GRID2: variants seen among roughly 807,000 people sequenced by gnomAD.
The protein encoded by GRID2 is glutamate ionotropic receptor delta type subunit 2, also known as glutamate receptor ionotropic, delta-2.
GRID2 carries 33 observed loss-of-function variants against 114.8 expected under a neutral mutation model. The ratio of observed to expected loss-of-function variants is 0.29; its 90% confidence interval spans 0.22 to 0.38. GRID2 has a LOEUF of 0.38. Among genes scored for constraint, GRID2 ranks in the 10% least tolerant of loss-of-function variants. The pLI is 1.00. For synonymous variants in GRID2, 505 were observed against 449.9 expected (o/e 1.12, Z -1.55); for missense variants, 1,184 against 1,257.7 (o/e 0.94, Z 0.89).
intron 2 of GRID2, among the ~76,000 whole-genome samples, chr4:92,706,129 G>A (rs1390715395): frequency 1.3e-5 from 2 of 152,082 alleles, no homozygotes; most frequent in Non-Finnish European, 2.9e-5. Context: ...GAAAAACGGG[G>A]GAGCATCATA....
At chr4:92,944,894 T>C (rs1751503296) in intron 2 of GRID2, among the ~76,000 whole-genome samples, 1 of 152,202 alleles carries the variant, frequency 6.6e-6, no homozygotes, top group Non-Finnish European at 1.5e-5. Flanking sequence ...TAGCTTCTAA[T>C]GTTCTGATTA....
chr4:93,266,835 T>A (rs2149560322), intron 8 of GRID2, among the ~76,000 whole-genome samples: 1 of 152,250 alleles, frequency 6.6e-6, no homozygotes, highest in East Asian at 1.9e-4. Flanking sequence ...ACCAGACTGG[T>A]AGAATAAAGT....
At chr4:93,578,051 G>A (rs1378602291) in intron 13 of GRID2, among the ~76,000 whole-genome samples, 4 of 152,086 alleles carry the variant, frequency 2.6e-5, no homozygotes, top group African/African-American at 9.7e-5. Flanking sequence ...TTCATTTGAG[G>A]GTGGCCACTG....
intron 2 of GRID2, among the ~76,000 whole-genome samples, chr4:92,994,516 A>T (rs1755085713): frequency 6.6e-6 from 1 of 151,580 alleles, no homozygotes; most frequent in Non-Finnish European, 1.5e-5. Context: ...TAGTGATGGG[A>T]TTTCACCATG....
Position 93,608,533 on chromosome 4 carries a change from T to C in GRID2, c.2194-17736T>C, listed in dbSNP as rs577819275. On this transcript the variant is annotated intron_variant, in intron 13 of 15. Coordinates refer to ENST00000282020, the MANE Select transcript of GRID2 (RefSeq NM_001510.4). The stretch of plus-strand genomic sequence containing the variant: ...GTGTCCATGTGATCTCATTGTTAAA[T>C]TCCCACCTATGAGTGAGAATACGCA... Among the ~76,000 whole-genome samples, 12 of 146,146 alleles carry C rather than the reference T, an allele frequency of 8.2e-5. No homozygotes were observed. The South Asian group carries it at 2.0e-3, about 25-fold the overall frequency.
intron 12 of GRID2, among the ~76,000 whole-genome samples, chr4:93,513,776 A>T (rs1729427865): frequency 6.6e-6 from 1 of 152,210 alleles, no homozygotes; most frequent in Non-Finnish European, 1.5e-5. Flanking sequence ...TACTATTAGA[A>T]ATTGGCACAA....
At chr4:93,660,606 T>C (rs1723406364) in intron 14 of GRID2, among the ~76,000 whole-genome samples, 1 of 152,114 alleles carries the variant, frequency 6.6e-6, no homozygotes, top group Admixed American at 6.5e-5. Flanking sequence ...AGTTTAAAAA[T>C]ATATTTTAAG....
chr4:92,707,590 T>G (rs1735013196), intron 2 of GRID2, among the ~76,000 whole-genome samples: 1 of 152,290 alleles, frequency 6.6e-6, no homozygotes, highest in African/African-American at 2.4e-5. Context: ...TGGAAAGATT[T>G]ATTTTATACA....
intron 1 of GRID2, among the ~76,000 whole-genome samples, chr4:92,551,049 A>C (rs988785467): frequency 8.5e-5 from 13 of 152,186 alleles, no homozygotes; most frequent in Non-Finnish European, 1.6e-4. Flanking sequence ...GTAAGGTCTC[A>C]CAAGATAGTG....
intron 14 of GRID2, among the ~76,000 whole-genome samples, chr4:93,723,892 A>G (rs1333949958): frequency 6.6e-6 from 1 of 152,232 alleles, no homozygotes; most frequent in South Asian, 2.1e-4. Context: ...AATTAAAGGC[A>G]GACTACATTC....
intron 1 of GRID2, among the ~76,000 whole-genome samples, chr4:92,535,151 C>T (rs1725549678): frequency 6.6e-6 from 1 of 152,064 alleles, no homozygotes; most frequent in Non-Finnish European, 1.5e-5. Flanking sequence ...CAACCCTGTT[C>T]TCTGAAATAT....
At chr4:92,384,674 T>A (rs1283122180) in intron 1 of GRID2, among the ~76,000 whole-genome samples, 6 of 111,596 alleles carry the variant, frequency 5.4e-5, no homozygotes, top group African/African-American at 2.1e-4. Flanking sequence ...TATACATATA[T>A]TATATATATA....
intron 14 of GRID2, among the ~76,000 whole-genome samples, chr4:93,703,781 T>C (rs1285170690): frequency 6.6e-6 from 1 of 151,868 alleles, no homozygotes; most frequent in Non-Finnish European, 1.5e-5. Flanking sequence ...TTGCTGAGAA[T>C]GATGGTTTCC....
chr4:92,536,734 A>T (rs1725654241), intron 1 of GRID2, among the ~76,000 whole-genome samples: 1 of 152,110 alleles, frequency 6.6e-6, no homozygotes, highest in African/African-American at 2.4e-5. Flanking sequence ...CCTCTTGCTC[A>T]CCAGTTTTTC....
intron 2 of GRID2, among the ~76,000 whole-genome samples, chr4:93,080,669 A>C (rs1286752154): frequency 6.6e-6 from 1 of 152,158 alleles, no homozygotes; most frequent in Non-Finnish European, 1.5e-5. Flanking sequence ...TTGAGGATAG[A>C]ACCTGTCATA....
intron 3 of GRID2, among the ~76,000 whole-genome samples, chr4:93,088,049 A>G (rs1259336204): frequency 6.6e-6 from 1 of 152,164 alleles, no homozygotes; most frequent in Admixed American, 6.5e-5. Context: ...ATGTTATTGA[A>G]AATGTATTTT....
intron 8 of GRID2, among the ~76,000 whole-genome samples, chr4:93,297,269 G>A (rs1423176430): frequency 6.6e-6 from 1 of 152,066 alleles, no homozygotes; most frequent in Non-Finnish European, 1.5e-5. Flanking sequence ...ATTGATGAAT[G>A]AATAAGTAAA....
intron 1 of GRID2, among the ~76,000 whole-genome samples, chr4:92,516,633 C>T (rs1158699395): frequency 6.6e-6 from 1 of 151,784 alleles, no homozygotes; most frequent in African/African-American, 2.4e-5. Flanking sequence ...TGCTGTGACA[C>T]GTCTGTGATT....
chr4:93,798,228 G>A (rs1734847896), intron 1 of GRID2, among the ~76,000 whole-genome samples: 1 of 152,098 alleles, frequency 6.6e-6, no homozygotes, highest in Non-Finnish European at 1.5e-5. Context: ...TCAATAAAAG[G>A]GAAACTTGTA....
Sources: gnomAD v4.1 joint callset for allele counts (sites outside exome capture counted in the v4.1 genomes callset) on GRCh38, gnomAD v4.1.1 for gene constraint, MANE v1.5 for transcripts, NCBI Gene and HGNC (gene_info 2026-07-23, HGNC 2026-07-21) for gene names.